The following SNX30 variants were observed in gnomAD, a reference collection of about 807,000 sequenced individuals.
The protein encoded by SNX30 is sorting nexin-30.
SNX30 carries 24 observed loss-of-function variants against 46.4 expected under a neutral mutation model. That is an observed-to-expected ratio of 0.52 (90% confidence interval 0.37 to 0.73). The LOEUF (loss-of-function observed/expected upper bound fraction) is 0.73, where lower values mean the gene tolerates loss of function less well. SNX30 is among the 30% of genes least tolerant of loss of function. The pLI is 0.00. For synonymous variants in SNX30, 189 were observed against 211.5 expected (o/e 0.89, Z 0.92); for missense variants, 533 against 555.7 (o/e 0.96, Z 0.41).
intron 3 of SNX30, among the ~76,000 whole-genome samples, chr9:112,825,282 A>G (rs1415314159): frequency 1.3e-5 from 2 of 152,110 alleles, no homozygotes; most frequent in Non-Finnish European, 2.9e-5. Flanking sequence ...AGTGGGTGTG[A>G]AGAAGTAGAT....
chr9:112,819,590 G>T (rs1172572318), intron 3 of SNX30, among the ~76,000 whole-genome samples: 1 of 152,042 alleles, frequency 6.6e-6, no homozygotes, highest in Non-Finnish European at 1.5e-5. Flanking sequence ...TCTGTTCCAG[G>T]ATCCTACCCA....
At chr9:112,774,995 C>T (rs965758753) in intron 1 of SNX30, among the ~76,000 whole-genome samples, 4 of 151,574 alleles carry the variant, frequency 2.6e-5, no homozygotes, top group African/African-American at 9.7e-5. Flanking sequence ...CAGACGTGTG[C>T]CACCACGCCT....
chr9:112,828,890 AC>A (rs905764058), intron 3 of SNX30, among the ~76,000 whole-genome samples: 1 of 152,012 alleles, frequency 6.6e-6, no homozygotes, highest in African/African-American at 2.4e-5. Context: ...GAAACCCTGT[AC>A]CCATGAAGCA....
intron 1 of SNX30, among the ~76,000 whole-genome samples, chr9:112,781,389 T>A (rs1839845526): frequency 6.6e-6 from 1 of 152,224 alleles, no homozygotes; most frequent in Non-Finnish European, 1.5e-5. Context: ...GTTTGTTATT[T>A]ATATTTTAAT....
At chr9:112,853,179 G>A (rs1288475177) in intron 7 of SNX30, among the ~76,000 whole-genome samples, 2 of 152,340 alleles carry the variant, frequency 1.3e-5, no homozygotes, top group East Asian at 1.9e-4. Flanking sequence ...CTACACCAGA[G>A]CGTAAAGGCT....
intron 1 of SNX30, among the ~76,000 whole-genome samples, chr9:112,797,494 C>T (rs1840125007): frequency 6.6e-6 from 1 of 152,034 alleles, no homozygotes; most frequent in Non-Finnish European, 1.5e-5. Context: ...TTATTTTATT[C>T]ATAAATATTT....
intron 4 of SNX30, among the ~76,000 whole-genome samples, chr9:112,831,492 G>C (rs543324533): frequency 2.4e-4 from 36 of 152,274 alleles, no homozygotes; most frequent in African/African-American, 7.9e-4. Flanking sequence ...GTTTGGTGAG[G>C]GTTTTCTTCT....
At chr9:112,758,978 G>C (rs1421776492) in intron 1 of SNX30, among the ~76,000 whole-genome samples, 1 of 152,042 alleles carries the variant, frequency 6.6e-6, no homozygotes, top group African/African-American at 2.4e-5. Flanking sequence ...CACACACAGA[G>C]AGAAAGAGTA....
intron 8 of SNX30, among the ~76,000 whole-genome samples, chr9:112,867,083 A>G (rs1841365403): frequency 7.6e-6 from 1 of 131,034 alleles, no homozygotes; most frequent in Non-Finnish European, 1.6e-5. Context: ...ACCTCCTCAG[A>G]ATTCCTTCTC....
intron 2 of SNX30, among the ~76,000 whole-genome samples, chr9:112,814,493 G>A (rs1050338550): frequency 4.6e-5 from 7 of 152,156 alleles, no homozygotes; most frequent in South Asian, 4.1e-4. Flanking sequence ...TGCCTGCCTC[G>A]GCCTCCCAAA....
intron 4 of SNX30, among the ~76,000 whole-genome samples, chr9:112,834,510 C>T (rs77504777): frequency 0.061 from 9,288 of 152,130 alleles, 650 homozygotes; most frequent in African/African-American, 0.16. Context: ...GGGGAAGGGG[C>T]GTGGAACTTC....
intron 2 of SNX30, among the ~76,000 whole-genome samples, chr9:112,809,109 CAG>C (rs1840276966): frequency 1.4e-5 from 2 of 140,036 alleles, no homozygotes; most frequent in South Asian, 2.3e-4. Context: ...TTTTTTTTGA[CAG>C]AGTCTTGCTC....
At chr9:112,861,926 G>A in intron 7 of SNX30, among the ~76,000 whole-genome samples, 1 of 137,862 alleles carries the variant, frequency 7.3e-6, no homozygotes, top group East Asian at 2.5e-4. Context: ...TGCAGGGGAA[G>A]CGACAACACT....
intron 3 of SNX30, among the ~76,000 whole-genome samples, chr9:112,821,805 T>C (rs947474511): frequency 1.3e-5 from 2 of 151,102 alleles, no homozygotes; most frequent in Non-Finnish European, 3.0e-5. Context: ...GTATAAAATT[T>C]TAAGAGGCAG....
At chr9:112,781,360 T>A (rs1839844958) in intron 1 of SNX30, among the ~76,000 whole-genome samples, 1 of 152,246 alleles carries the variant, frequency 6.6e-6, no homozygotes, top group Non-Finnish European at 1.5e-5. Flanking sequence ...TTTTCATGTA[T>A]GTTCAAATCC....
chr9:112,876,439 G>A (rs1414455789), downstream of SNX30, among the ~76,000 whole-genome samples: 1 of 151,718 alleles, frequency 6.6e-6, no homozygotes, highest in Admixed American at 6.6e-5. Flanking sequence ...CGTAGACCCC[G>A]TCTCTACAAA....
intron 7 of SNX30, among the ~76,000 whole-genome samples, chr9:112,852,016 A>G (rs1191795889): frequency 6.6e-6 from 1 of 152,202 alleles, no homozygotes; most frequent in African/African-American, 2.4e-5. Flanking sequence ...AAATCATCCT[A>G]TGTCATCCCT....
Position 112,853,128 on chromosome 9 carries a change from A to G in SNX30, c.1101+2183A>G, listed in dbSNP as rs118020023. On this transcript the variant is annotated intron_variant, in intron 7 of 8. Coordinates refer to ENST00000374232, the MANE Select transcript of SNX30 (RefSeq NM_001012994.2). ...TGCCGAGTGGCTCTCCATCCTGTGCATGTTTGTTGTGTTGATTCCAGCAGG... is the reference window on the plus strand; with the variant it reads ...TGCCGAGTGGCTCTCCATCCTGTGCGTGTTTGTTGTGTTGATTCCAGCAGG... Among the ~76,000 whole-genome samples, 193 of 152,202 alleles carry G rather than the reference A, an allele frequency of 1.3e-3. No homozygotes were observed. In the East Asian group the frequency reaches 0.018, roughly 14 times the overall value.
chr9:112,813,675 T>G (rs541930284), intron 2 of SNX30, among the ~76,000 whole-genome samples: 28 of 152,110 alleles, frequency 1.8e-4, no homozygotes, highest in Middle Eastern at 3.4e-3. Flanking sequence ...GGTTTCACCA[T>G]GTTGGCCAGG....
Sources: allele counts gnomAD v4.1 joint callset (sites outside exome capture counted in the v4.1 genomes callset), GRCh38; gene constraint gnomAD v4.1.1; transcripts MANE v1.5; gene names NCBI Gene and HGNC (gene_info 2026-07-23, HGNC 2026-07-21).